The following PLAGL1 variants were observed in gnomAD, a reference collection of about 807,000 sequenced individuals.
PLAGL1 encodes the protein PLAG1 like zinc finger 1, also known as zinc finger protein PLAGL1.
PLAGL1 carries 1 observed loss-of-function variant against 4.6 expected under a neutral mutation model. The ratio of observed to expected loss-of-function variants is 0.22; its 90% CI spans 0.08 to 1.03. PLAGL1 has a LOEUF of 1.03. Ranked by LOEUF, PLAGL1 falls within the 50% of genes least tolerant of loss-of-function variation. The pLI, the probability that PLAGL1 is intolerant of heterozygous loss-of-function variation, is 0.58. For synonymous variants in PLAGL1, 240 were observed against 237.8 expected (o/e 1.01, Z -0.08); for missense variants, 464 against 570.4 (o/e 0.81, Z 1.90).
chr6:143,969,722 G>T (rs1487762016), intron 2 of PLAGL1, among the ~76,000 whole-genome samples: 1 of 151,944 alleles, frequency 6.6e-6, no homozygotes, highest in African/African-American at 2.4e-5. Context: ...ACCTCAGCAG[G>T]GATGAGGGTG....
At chr6:144,032,989 G>T (rs1796942826) in intron 1 of PLAGL1, among the ~76,000 whole-genome samples, 1 of 152,228 alleles carries the variant, frequency 6.6e-6, no homozygotes, top group Non-Finnish European at 1.5e-5. Flanking sequence ...GATAAGTGAT[G>T]ATGAAGGACC....
At chr6:143,951,148 A>G (rs1037025270) in intron 6 of PLAGL1, among the ~76,000 whole-genome samples, 5 of 152,142 alleles carry the variant, frequency 3.3e-5, no homozygotes, top group African/African-American at 7.2e-5. Context: ...CTCATTTGTG[A>G]TAGTTACCTG....
chr6:144,011,427 T>C (rs989341774), upstream of PLAGL1, among the ~76,000 whole-genome samples: 1 of 152,218 alleles, frequency 6.6e-6, no homozygotes, highest in Non-Finnish European at 1.5e-5. The surrounding 1 kb of genome is among the most constrained non-coding windows in gnomAD (Gnocchi z 4.3). Flanking sequence ...AATTTTCCCC[T>C]TGGAGGTGGC....
At chr6:143,967,653 C>T (rs1205012421) in intron 3 of PLAGL1, 1 of 152,178 alleles carries the variant, frequency 6.6e-6, no homozygotes, top group Non-Finnish European at 1.5e-5. Flanking sequence ...TGCCATAAAG[C>T]TACCCAAATG....
At chr6:144,047,710 T>A (rs931299160) in intron 1 of PLAGL1, among the ~76,000 whole-genome samples, 1 of 152,160 alleles carries the variant, frequency 6.6e-6, no homozygotes, top group African/African-American at 2.4e-5. Context: ...GTGGGGATTG[T>A]GAGGATTATG....
intron 1 of PLAGL1, among the ~76,000 whole-genome samples, chr6:144,014,930 G>A (rs1243998132): frequency 6.6e-6 from 1 of 152,146 alleles, no homozygotes; most frequent in Non-Finnish European, 1.5e-5. Flanking sequence ...ATTGGAAAGA[G>A]ATAAATGGTG....
At chr6:144,001,441 C>A (rs891747540) in intron 1 of PLAGL1, among the ~76,000 whole-genome samples, 1 of 152,074 alleles carries the variant, frequency 6.6e-6, no homozygotes, top group African/African-American at 2.4e-5. Flanking sequence ...AATGGAAAAT[C>A]ACCATTAGAA....
chr6:144,046,094 T>C (rs889285190), intron 1 of PLAGL1, among the ~76,000 whole-genome samples: 6 of 152,176 alleles, frequency 3.9e-5, no homozygotes, highest in Admixed American at 3.9e-4. Flanking sequence ...TAATCTTTTT[T>C]CAAGGTTTCT....
chr6:143,993,011 G>GA (rs1048647152), intron 1 of PLAGL1, among the ~76,000 whole-genome samples: 47 of 143,598 alleles, frequency 3.3e-4, no homozygotes, highest in African/African-American at 1.1e-3. Flanking sequence ...CACACACACA[G>GA]AAAAAAACAG....
chr6:143,953,679 G>A lies in PLAGL1; in HGVS notation c.-324-5219C>T, dbSNP rs539318242. Among the ~76,000 whole-genome samples the A allele has an allele frequency of 7.2e-5, 11 of 152,262 alleles. No homozygotes were observed. The highest frequency in any genetic ancestry group is 1.3e-4 in the Non-Finnish European group (9 of 68,032). Reference sequence around the variant, plus strand: ...TCTAAAACACAGCCTAATATAAAAGGGAGAAAACAACAAATTTTGGAAGCT... The same window carrying A: ...TCTAAAACACAGCCTAATATAAAAGAGAGAAAACAACAAATTTTGGAAGCT... On this transcript the variant is annotated intron_variant, in intron 6 of 7. Transcript: ENST00000674357. The surrounding 1 kb of genome is among the most constrained non-coding windows in gnomAD (Gnocchi z 5.3).
intron 1 of PLAGL1, among the ~76,000 whole-genome samples, chr6:144,035,971 T>C (rs1387626620): frequency 1.3e-5 from 2 of 151,846 alleles, no homozygotes; most frequent in African/African-American, 4.8e-5. Flanking sequence ...TTTAAGGAGG[T>C]GGAGGAGCAG....
rs1006068269 is a variant in PLAGL1, at chr6:144,006,985, C to G, written c.-584+1105G>C. The G allele has an allele frequency of 6.6e-6, 1 of 152,096 alleles. No individual in the cohort carries two copies. The highest frequency in any genetic ancestry group is 2.4e-5 in the African/African-American group (1 of 41,410). 9.4% of individuals were successfully genotyped at this position (152,096 alleles called of 1,614,324 possible). On this transcript the variant is annotated intron_variant, in intron 1 of 7. Coordinates refer to ENST00000674357, the MANE Select transcript of PLAGL1 (RefSeq NM_001317162.2). This position sits in a 1 kb window ranked among gnomAD's most constrained non-coding sequence, Gnocchi z 4.3. Reference sequence around the variant, plus strand: ...CTGATCATCCATTTAAATGACTTTACGACCCACTAAAATGGACTTCAAATT... The same window carrying G: ...CTGATCATCCATTTAAATGACTTTAGGACCCACTAAAATGGACTTCAAATT...
chr6:143,986,963 AG>A (rs1381761195), intron 1 of PLAGL1, among the ~76,000 whole-genome samples: 1 of 152,188 alleles, frequency 6.6e-6, no homozygotes, highest in African/African-American at 2.4e-5. Flanking sequence ...CATAGGAACT[AG>A]GGAAATGGAG....
chr6:144,023,991 G>A (rs1426698379), intron 1 of PLAGL1, among the ~76,000 whole-genome samples: 4 of 151,942 alleles, frequency 2.6e-5, no homozygotes, highest in African/African-American at 7.3e-5. Flanking sequence ...TGACCAGACT[G>A]GTCTTGAACC....
rs1219315692 is a variant in PLAGL1 at position 144,048,333 on chromosome 6, C to T, written c.-151+16135G>A. On this transcript the variant is annotated intron_variant, in intron 1 of 3. Coordinates refer to the PLAGL1 transcript ENST00000437412. This position sits in a 1 kb window ranked among gnomAD's most constrained non-coding sequence, Gnocchi z 4.8. The stretch of plus-strand genomic sequence containing the variant: ...GCCCTCTTCTCACAGCTCCATTAGG[C>T]AGTGCCCCAGTGGGGACTCTGTGTG... Among the ~76,000 whole-genome samples, 1 of 152,198 alleles carries T rather than the reference C, an allele frequency of 6.6e-6. No homozygotes were observed. The highest frequency in any genetic ancestry group is 1.5e-5 in the Non-Finnish European group (1 of 68,028).
In PLAGL1 at chr6:144,034,178, G is replaced by A. The variant is rs1797044199; in HGVS notation, c.-151+30290C>T. Reference sequence around the variant, plus strand: ...CATGTAAAACCACGTTGTTGGAGGAGGGGGTGCCCCAGCTTAGCGAACCCC... The same window carrying A: ...CATGTAAAACCACGTTGTTGGAGGAAGGGGTGCCCCAGCTTAGCGAACCCC... On this transcript the variant is annotated intron_variant, in intron 1 of 3. Coordinates refer to the PLAGL1 transcript ENST00000437412. This position sits in a 1 kb window ranked among gnomAD's most constrained non-coding sequence, Gnocchi z 4.7. 6.6e-6 allele frequency among the ~76,000 whole-genome samples: 1 copy of A among 152,160 alleles called. No individual in the cohort carries two copies. Among genetic ancestry groups the A allele is most frequent in the African/African-American group, 2.4e-5 (1 of 41,432 alleles).
At chr6:144,054,732 C>T (rs1193300125) in intron 1 of PLAGL1, among the ~76,000 whole-genome samples, 1 of 150,940 alleles carries the variant, frequency 6.6e-6, no homozygotes, top group East Asian at 1.9e-4. Context: ...GCACGTTGTA[C>T]CCATGTATCC....
chr6:144,028,852 T>C (rs1796572783), intron 1 of PLAGL1, among the ~76,000 whole-genome samples: 1 of 152,252 alleles, frequency 6.6e-6, no homozygotes. Context: ...CATGCTTGTT[T>C]TAGAAGTTTT....
rs1391647048 is a variant in PLAGL1 at position 143,957,430 on chromosome 6, C to T, written c.-325+3039G>A. On this transcript the variant is annotated intron_variant, in intron 6 of 7. Transcript: ENST00000674357. The surrounding 1 kb of genome is among the most constrained non-coding windows in gnomAD (Gnocchi z 4.2). ...ATGATAGCTGAAAATACATCCCCCT[C>T]CTCACTCCCTAGAAACCCTTGAGTC... is the stretch of plus-strand genomic sequence containing the variant. 6.6e-6 allele frequency among the ~76,000 whole-genome samples: 1 copy of T among 152,180 alleles called. No homozygotes were observed. The highest frequency in any genetic ancestry group is 2.4e-5 in the African/African-American group (1 of 41,430).
Sources: allele counts gnomAD v4.1 joint callset (sites outside exome capture counted in the v4.1 genomes callset), GRCh38; gene constraint gnomAD v4.1.1; non-coding constraint Gnocchi (gnomAD v3.1); transcripts MANE v1.5; gene names NCBI Gene and HGNC (gene_info 2026-07-23, HGNC 2026-07-21).